The following GPC6 variants were observed in gnomAD, a reference collection of about 807,000 sequenced individuals.
GPC6 encodes the protein glypican-6.
In GPC6, 14 loss-of-function variants were observed where a neutral mutation model predicts 55.2. That is an observed-to-expected ratio of 0.25 (90% CI 0.17 to 0.40). The LOEUF is 0.40. GPC6 is among the 10% of genes least tolerant of loss of function. The pLI, the probability that GPC6 is intolerant of heterozygous loss-of-function variation, is 1.00. For synonymous variants in GPC6, 278 were observed against 259.6 expected (o/e 1.07, Z -0.68); for missense variants, 641 against 708.5 (o/e 0.90, Z 1.08).
At chr13:94,198,607 G>A (rs547643121) in intron 4 of GPC6, among the ~76,000 whole-genome samples, 2 of 152,252 alleles carry the variant, frequency 1.3e-5, no homozygotes, top group African/African-American at 2.4e-5. Context: ...GGCTGTGTCC[G>A]TTCTGCCACA....
intron 5 of GPC6, among the ~76,000 whole-genome samples, chr13:94,288,892 A>ATAACAAATATAT (rs1874745645): frequency 7.7e-6 from 1 of 130,486 alleles, no homozygotes; most frequent in South Asian, 2.2e-4. Flanking sequence ...ACTAATATAT[A>ATAACAAATATAT]TAACAAATAT....
At chr13:93,952,698 T>C (rs1160653074) in intron 3 of GPC6, among the ~76,000 whole-genome samples, 2 of 151,304 alleles carry the variant, frequency 1.3e-5, no homozygotes, top group African/African-American at 4.8e-5. Flanking sequence ...ATAGTATGTG[T>C]GTGAGAGTAT....
chr13:94,013,218 G>GTATATA lies in GPC6; in HGVS notation c.712-14497_712-14492dup, dbSNP rs10644543. On this transcript the variant is annotated intron_variant, in intron 3 of 8. Coordinates refer to ENST00000377047, the MANE Select transcript of GPC6 (RefSeq NM_005708.5). ...CATTCTTGTGTGTGCATGTGTGTATGTATATATATATATATATATGTCCGT... is the reference window on the plus strand; with the variant it reads ...CATTCTTGTGTGTGCATGTGTGTATGTATATATATATATATATATATATATGTCCGT... 9.4e-4 allele frequency among the ~76,000 whole-genome samples: 142 copies of GTATATA among 150,420 alleles called. 1 individual carries two copies. The highest frequency in any genetic ancestry group is 3.1e-3 in the East Asian group (16 of 5,142).
chr13:94,011,278 T>A (rs1882235447), intron 3 of GPC6, among the ~76,000 whole-genome samples: 1 of 152,166 alleles, frequency 6.6e-6, no homozygotes, highest in Non-Finnish European at 1.5e-5. Context: ...AAATATTTTA[T>A]AATTTACAAA....
At chr13:93,337,977 C>T (rs987341762) in intron 1 of GPC6, among the ~76,000 whole-genome samples, 1 of 152,126 alleles carries the variant, frequency 6.6e-6, no homozygotes, top group African/African-American at 2.4e-5. Context: ...CAGTTGCTAC[C>T]CTTAATAACT....
intron 4 of GPC6, among the ~76,000 whole-genome samples, chr13:94,191,354 T>C (rs1323639937): frequency 6.6e-6 from 1 of 152,190 alleles, no homozygotes; most frequent in Non-Finnish European, 1.5e-5. Flanking sequence ...CAGCATGGGC[T>C]GGCTAAGTGT....
intron 2 of GPC6, among the ~76,000 whole-genome samples, chr13:93,682,585 T>C (rs3904302): frequency 0.8 from 120,909 of 152,016 alleles, 49,478 homozygotes; most frequent in Non-Finnish European, 0.91. Context: ...CAACTGATTT[T>C]AGAAGGCACA....
intron 3 of GPC6, among the ~76,000 whole-genome samples, chr13:93,898,779 G>T (rs1203939581): frequency 1.3e-5 from 2 of 151,738 alleles, no homozygotes; most frequent in Non-Finnish European, 2.9e-5. Context: ...GATTAGGCAG[G>T]ACAGATGTCA....
At chr13:93,344,360 G>T (rs1047648535) in intron 1 of GPC6, among the ~76,000 whole-genome samples, 2 of 152,128 alleles carry the variant, frequency 1.3e-5, no homozygotes, top group African/African-American at 4.8e-5. Flanking sequence ...ATATCCCAAG[G>T]CAGGCTTTTT....
At chr13:94,269,294 T>C (rs1891916728) in intron 4 of GPC6, among the ~76,000 whole-genome samples, 1 of 152,176 alleles carries the variant, frequency 6.6e-6, no homozygotes, top group Admixed American at 6.5e-5. Flanking sequence ...CACGCACAGC[T>C]AGATAATGCT....
At chr13:94,321,577 AT>A (rs1364822109) in intron 6 of GPC6, among the ~76,000 whole-genome samples, 1 of 152,162 alleles carries the variant, frequency 6.6e-6, no homozygotes, top group East Asian at 1.9e-4. Flanking sequence ...CACCAGCATC[AT>A]TTGACTTGGT....
chr13:94,017,374 G>T (rs1369690973), intron 3 of GPC6, among the ~76,000 whole-genome samples: 3 of 152,058 alleles, frequency 2.0e-5, no homozygotes, highest in Non-Finnish European at 4.4e-5. Context: ...ACATTGCTGG[G>T]GAGGCCTCAC....
intron 4 of GPC6, among the ~76,000 whole-genome samples, chr13:94,273,987 A>C (rs1892124175): frequency 6.6e-6 from 1 of 152,246 alleles, no homozygotes; most frequent in Middle Eastern, 3.2e-3. Flanking sequence ...TTTGATGTCC[A>C]TCACATTCAT....
chr13:94,275,939 G>C (rs943721981), intron 4 of GPC6, among the ~76,000 whole-genome samples: 1 of 152,130 alleles, frequency 6.6e-6, no homozygotes, highest in African/African-American at 2.4e-5. Context: ...ACATATCAAC[G>C]TTTGAGACTT....
At chr13:93,964,949 AAG>A (rs1221924856) in intron 3 of GPC6, among the ~76,000 whole-genome samples, 3 of 152,180 alleles carry the variant, frequency 2.0e-5, no homozygotes, top group Admixed American at 2.0e-4. Context: ...AGCCCTTATC[AAG>A]AGAAGAAAGT....
chr13:93,544,660 A>G (rs1265221514), intron 1 of GPC6, among the ~76,000 whole-genome samples: 2 of 152,208 alleles, frequency 1.3e-5, no homozygotes, highest in African/African-American at 4.8e-5. Flanking sequence ...TTCATTCTAC[A>G]TTTCCTTATA....
intron 2 of GPC6, among the ~76,000 whole-genome samples, chr13:93,656,251 TCAAGA>T (rs1880659598): frequency 6.6e-6 from 1 of 152,080 alleles, no homozygotes; most frequent in Non-Finnish European, 1.5e-5. Flanking sequence ...AGCAAGTAAA[TCAAGA>T]CAAGAAAGTC....
rs1416117893 is a variant in GPC6 at position 93,241,500 on chromosome 13, G to T, written c.160+13884G>T. Among the ~76,000 whole-genome samples the T allele has an allele frequency of 5.3e-5, 8 of 151,872 alleles. No homozygotes were observed. The South Asian group carries it at 1.7e-3, about 32-fold the overall frequency. On this transcript the variant is annotated intron_variant, in intron 1 of 8. Transcript: ENST00000377047. ...TTCATTTCCAGAAGTTCTGTGTTTT[G>T]TTTTGTTTTGATTTTTTGATTTTTT...
chr13:94,130,851 C>T (rs1253987755), intron 4 of GPC6, among the ~76,000 whole-genome samples: 3 of 152,238 alleles, frequency 2.0e-5, no homozygotes, highest in Non-Finnish European at 4.4e-5. Flanking sequence ...GTAAGTATAA[C>T]ACCTTCACAG....
Sources: allele counts gnomAD v4.1 joint callset (sites outside exome capture counted in the v4.1 genomes callset), GRCh38; gene constraint gnomAD v4.1.1; transcripts MANE v1.5; gene names NCBI Gene and HGNC (gene_info 2026-07-23, HGNC 2026-07-21).